SKAP1: variants seen among roughly 807,000 people sequenced by gnomAD.
SKAP1 encodes the protein src kinase-associated phosphoprotein 1.
Under a neutral mutation model 58.5 loss-of-function variants are expected in SKAP1, and 44 were observed. That is an observed-to-expected ratio of 0.75 (90% CI 0.59 to 0.97). The LOEUF is 0.97. Among genes scored for constraint, SKAP1 ranks in the 50% least tolerant of loss-of-function variants. SKAP1 has a pLI of 0.00. For missense variants in SKAP1, 390 were observed against 435.2 expected, an observed-to-expected ratio of 0.90 and a Z score of 0.92; for synonymous variants, 127 against 149.7, an observed-to-expected ratio of 0.85 and a Z score of 1.11.
chr17:48,262,035 C>T (rs192929074), intron 4 of SKAP1, among the ~76,000 whole-genome samples: 1 of 152,172 alleles, frequency 6.6e-6, no homozygotes, highest in Non-Finnish European at 1.5e-5. Flanking sequence ...TCTGCAACTT[C>T]GAATTGCCTG....
intron 3 of SKAP1, among the ~76,000 whole-genome samples, chr17:48,348,118 T>C (rs536135188): frequency 3.7e-4 from 56 of 152,174 alleles, no homozygotes; most frequent in African/African-American, 1.3e-3. Context: ...GGCAGGTGGA[T>C]GGCTTGAGCC....
chr17:48,420,910 C>CA (rs2067785546), intron 1 of SKAP1, among the ~76,000 whole-genome samples: 1 of 152,174 alleles, frequency 6.6e-6, no homozygotes, highest in African/African-American at 2.4e-5. Flanking sequence ...CTGTAACAAC[C>CA]AAAACGTCTC....
At chr17:48,338,863 T>C (rs1415159026) in intron 4 of SKAP1, among the ~76,000 whole-genome samples, 1 of 152,252 alleles carries the variant, frequency 6.6e-6, no homozygotes, top group Non-Finnish European at 1.5e-5. Flanking sequence ...TCATCTGTGA[T>C]TTATACCAGA....
chr17:48,439,434 G>A, the SKAP1 span, among the ~76,000 whole-genome samples: 2 of 152,030 alleles, frequency 1.3e-5, no homozygotes, highest in East Asian at 1.9e-4. Flanking sequence ...TAAGGTGCCC[G>A]TGTTATCTAC....
intron 4 of SKAP1, among the ~76,000 whole-genome samples, chr17:48,279,439 C>T (rs1214509236): frequency 6.6e-6 from 1 of 152,168 alleles, no homozygotes; most frequent in Non-Finnish European, 1.5e-5. Context: ...CCACTAGACA[C>T]TAACAGCTCC....
chr17:48,280,955 T>C (rs963432347), intron 4 of SKAP1, among the ~76,000 whole-genome samples: 1 of 152,204 alleles, frequency 6.6e-6, no homozygotes, highest in Admixed American at 6.5e-5. Context: ...TTATAAACAC[T>C]CAAGGCAGAA....
intron 4 of SKAP1, among the ~76,000 whole-genome samples, chr17:48,332,125 T>C (rs907977063): frequency 4.6e-5 from 7 of 152,118 alleles, no homozygotes; most frequent in African/African-American, 7.2e-5. Context: ...AATAATTACA[T>C]TCTTGTTTTA....
chr17:48,303,068 A>T (rs572745650), intron 4 of SKAP1, among the ~76,000 whole-genome samples: 14 of 152,350 alleles, frequency 9.2e-5, no homozygotes, highest in Middle Eastern at 3.4e-3. Flanking sequence ...TAATATATAA[A>T]CAAGTACAAA....
the SKAP1 span, among the ~76,000 whole-genome samples, chr17:48,442,518 G>T: frequency 6.6e-6 from 1 of 152,016 alleles, no homozygotes; most frequent in Admixed American, 6.6e-5. Flanking sequence ...TACATTTTTG[G>T]ATGTGAAATG....
intron 4 of SKAP1, among the ~76,000 whole-genome samples, chr17:48,252,014 T>G (rs540797454): frequency 6.4e-4 from 98 of 152,314 alleles, no homozygotes; most frequent in Non-Finnish European, 1.1e-3. Flanking sequence ...TAACATTTAT[T>G]CTGGAAAAAA....
chr17:48,405,380 T>C (rs2067556072), intron 1 of SKAP1, among the ~76,000 whole-genome samples: 1 of 151,820 alleles, frequency 6.6e-6, no homozygotes, highest in South Asian at 2.1e-4. Context: ...TGCATTTTCT[T>C]TTTTTCTCTT....
At chr17:48,377,940 CA>C (rs2067170977) in intron 2 of SKAP1, among the ~76,000 whole-genome samples, 1 of 152,158 alleles carries the variant, frequency 6.6e-6, no homozygotes, top group African/African-American at 2.4e-5. Context: ...CCACAGGTCC[CA>C]AACTTCTCCT....
intron 4 of SKAP1, among the ~76,000 whole-genome samples, chr17:48,282,027 T>C (rs975154745): frequency 2.6e-4 from 39 of 152,192 alleles, no homozygotes; most frequent in Non-Finnish European, 4.9e-4. Flanking sequence ...TGATTCTTCA[T>C]GCACCGATAA....
intron 4 of SKAP1, among the ~76,000 whole-genome samples, chr17:48,235,794 G>A (rs1164967940): frequency 2.6e-5 from 4 of 152,184 alleles, no homozygotes; most frequent in Non-Finnish European, 5.9e-5. Flanking sequence ...AGTCTTGCTT[G>A]TACTTGGACC....
intron 7 of SKAP1, among the ~76,000 whole-genome samples, chr17:48,183,573 C>A (rs1232645913): frequency 6.6e-6 from 1 of 151,950 alleles, no homozygotes; most frequent in Admixed American, 6.6e-5. Flanking sequence ...CATTGTTATT[C>A]TTGATTTCTT....
intron 4 of SKAP1, among the ~76,000 whole-genome samples, chr17:48,205,037 T>TTCTCTCTC (rs376567367): frequency 3.6e-5 from 2 of 55,748 alleles, no homozygotes; most frequent in Non-Finnish European, 7.9e-5. Flanking sequence ...CTTTCTTTCT[T>TTCTCTCTC]TCTCTCTCTC....
intron 11 of SKAP1, among the ~76,000 whole-genome samples, chr17:48,153,056 C>T (rs1282819019): frequency 6.6e-6 from 1 of 151,768 alleles, no homozygotes; most frequent in Non-Finnish European, 1.5e-5. Context: ...CACATACATA[C>T]ACAGAGAGAG....
rs372733816 is a variant in SKAP1 at position 48,200,502 on chromosome 17, G to A, written c.281-11002C>T. Reference sequence around the variant, plus strand: ...AGCAATTCTCCTGCCTCAGCCTCCCGAGTAAGCTGGGATTACAAGTGCCCA... The same window carrying A: ...AGCAATTCTCCTGCCTCAGCCTCCCAAGTAAGCTGGGATTACAAGTGCCCA... On this transcript the variant is annotated intron_variant, in intron 4 of 12. Coordinates refer to ENST00000336915, the MANE Select transcript of SKAP1 (RefSeq NM_003726.4). 1.3e-4 allele frequency among the ~76,000 whole-genome samples: 19 copies of A among 151,752 alleles called. No homozygotes were observed. In the East Asian group the frequency reaches 2.4e-3, roughly 19 times the overall value.
rs1301720299 is a variant in SKAP1 at position 48,224,036 on chromosome 17, A to AG, written c.281-34537dup. 4.9e-4 allele frequency among the ~76,000 whole-genome samples: 22 copies of AG among 44,994 alleles called. No individual in the cohort carries two copies. In the East Asian group the frequency reaches 6.2e-3, roughly 13 times the overall value. The allele number at this position is 44,994 out of a possible 152,430, so 29.5% of individuals were successfully genotyped here. ...AGAGAGAGAGAGAGAGAGAGAGAGA[A>AG]GAAGGAGGAGGAGGAGGAGGAGGAG... On this transcript the variant is annotated intron_variant, in intron 4 of 12. Coordinates refer to ENST00000336915, the MANE Select transcript of SKAP1 (RefSeq NM_003726.4).
Sources: allele counts gnomAD v4.1 joint callset (sites outside exome capture counted in the v4.1 genomes callset), GRCh38; gene constraint gnomAD v4.1.1; transcripts MANE v1.5; gene names NCBI Gene and HGNC (gene_info 2026-07-23, HGNC 2026-07-21).